Variants in IRF2 observed in about 807,000 individuals in gnomAD.
IRF2 encodes the protein interferon regulatory factor 2.
IRF2 carries 15 observed loss-of-function variants against 40.6 expected under a neutral mutation model. The ratio of observed to expected loss-of-function variants is 0.37; its 90% confidence interval spans 0.25 to 0.57. IRF2 has a LOEUF of 0.57. Ranked by LOEUF, IRF2 falls within the 20% of genes least tolerant of loss-of-function variation. The pLI is 0.77. For synonymous variants in IRF2, 151 were observed against 165.5 expected (o/e 0.91, Z 0.67); for missense variants, 317 against 455.7 (o/e 0.70, Z 2.77).
chr4:184,408,588 G>A lies in IRF2; in HGVS notation c.412-313C>T, dbSNP rs1016980089. Among the ~76,000 whole-genome samples the A allele has an allele frequency of 3.3e-5, 5 of 152,214 alleles. No homozygotes were observed. The highest frequency in any genetic ancestry group is 7.3e-5 in the Non-Finnish European group (5 of 68,036). Reference sequence around the variant, plus strand: ...TACGCAGAGCTGCATCATTGTCTCTGTAAAATGCTGCACTGCGTGGATTCT... The same window carrying A: ...TACGCAGAGCTGCATCATTGTCTCTATAAAATGCTGCACTGCGTGGATTCT... On this transcript the variant is annotated intron_variant, in intron 5 of 8. Coordinates refer to ENST00000393593, the MANE Select transcript of IRF2 (RefSeq NM_002199.4). The surrounding 1 kb of genome is among the most constrained non-coding windows in gnomAD (Gnocchi z 4.9).
rs904963546 is a variant in IRF2 at position 184,474,402 on chromosome 4, T to C, written c.-30A>G. 3 of 152,250 alleles carry C rather than the reference T, an allele frequency of 2.0e-5. No individual in the cohort carries two copies. The highest frequency in any genetic ancestry group is 6.5e-5 in the Admixed American group (1 of 15,282). 9.4% of individuals were successfully genotyped at this position (152,250 alleles called of 1,614,324 possible). ...ACCTCTCAGTGTGCTTTTTTCACGC[T>C]ACCAATACAATTCCGCAAGGTATAA... On this transcript the variant is annotated 5_prime_UTR_variant, in exon 1 of 9. Coordinates refer to ENST00000393593, the MANE Select transcript of IRF2 (RefSeq NM_002199.4). This position sits in a 1 kb window ranked among gnomAD's most constrained non-coding sequence, Gnocchi z 5.6.
chr4:184,436,353 G>A (rs1249642200), intron 1 of IRF2, among the ~76,000 whole-genome samples: 1 of 152,208 alleles, frequency 6.6e-6, no homozygotes, highest in African/African-American at 2.4e-5. Context: ...ACAAGGAACT[G>A]TGCTGAGTGC....
rs1368419913 is a variant in IRF2 at position 184,408,538 on chromosome 4, C to T, written c.412-263G>A. On this transcript the variant is annotated intron_variant, in intron 5 of 8. Coordinates refer to ENST00000393593, the MANE Select transcript of IRF2 (RefSeq NM_002199.4). This position sits in a 1 kb window ranked among gnomAD's most constrained non-coding sequence, Gnocchi z 4.9. ...CTGGCTTGCCTTTAGGAAATGCTTC[C>T]ACCTGCAGACAATAGCTTTGGGGCT... 6.6e-6 allele frequency among the ~76,000 whole-genome samples: 1 copy of T among 152,176 alleles called. No homozygotes were observed. The highest frequency in any genetic ancestry group is 1.5e-5 in the Non-Finnish European group (1 of 68,038).
chr4:184,434,667 T>C (rs371584656), intron 1 of IRF2, among the ~76,000 whole-genome samples: 1 of 152,218 alleles, frequency 6.6e-6, no homozygotes. Context: ...TGGTGGGTAC[T>C]GAGAATATCA....
chr4:184,468,921 CA>C (rs985181402), intron 1 of IRF2, among the ~76,000 whole-genome samples: 2 of 152,114 alleles, frequency 1.3e-5, no homozygotes, highest in Non-Finnish European at 2.9e-5. Context: ...TATCCAGCCA[CA>C]TTTTACAGTG....
At chr4:184,450,550 T>C (rs998255485) in intron 1 of IRF2, among the ~76,000 whole-genome samples, 3 of 152,228 alleles carry the variant, frequency 2.0e-5, no homozygotes, top group Admixed American at 6.5e-5. Flanking sequence ...AATATTTTTA[T>C]AAAATTTGAA....
chr4:184,456,549 C>A (rs1437265073), intron 1 of IRF2, among the ~76,000 whole-genome samples: 1 of 152,230 alleles, frequency 6.6e-6, no homozygotes, highest in Non-Finnish European at 1.5e-5. Context: ...CGCACCTCAG[C>A]GAGGGTCCCT....
At chr4:184,426,187 T>C (rs1579843971) in intron 2 of IRF2, among the ~76,000 whole-genome samples, 1 of 152,274 alleles carries the variant, frequency 6.6e-6, no homozygotes, top group South Asian at 2.1e-4. Flanking sequence ...AGCTAATTTT[T>C]GTGTTTTTAG....
At chr4:184,422,640 A>G (rs920975405) in intron 2 of IRF2, among the ~76,000 whole-genome samples, 2 of 152,262 alleles carry the variant, frequency 1.3e-5, no homozygotes, top group Admixed American at 6.5e-5. Flanking sequence ...ATGTGGACGA[A>G]CCTTGAAAAC....
chr4:184,447,081 A>C (rs793786), intron 1 of IRF2, among the ~76,000 whole-genome samples: 70,437 of 152,092 alleles, frequency 0.46, 17,333 homozygotes, highest in East Asian at 0.62. Flanking sequence ...CAGGCAGTGC[A>C]CAAATCTTGG....
At chr4:184,468,535 A>G (rs555609983) in intron 1 of IRF2, among the ~76,000 whole-genome samples, 1 of 152,288 alleles carries the variant, frequency 6.6e-6, no homozygotes, top group Admixed American at 6.5e-5. Context: ...ACTTAACATG[A>G]GTCCCATTTC....
chr4:184,418,834 C>T, intron 3 of IRF2, 126 bp from the exon 4 acceptor site: 1 of 744,484 alleles, frequency 1.3e-6, no homozygotes, highest in African/African-American at 1.8e-5. Context: ...GCTATACCTC[C>T]AGTGACCAAT....
At chr4:184,431,471 G>A (rs1240929711) in intron 1 of IRF2, among the ~76,000 whole-genome samples, 1 of 152,196 alleles carries the variant, frequency 6.6e-6, no homozygotes, top group Admixed American at 6.5e-5. Context: ...ACAGAGGAGT[G>A]CACTGGTGAC....
rs896706153 is a variant in IRF2 at position 184,432,777 on chromosome 4, C to T, written c.-6-3707G>A. On this transcript the variant is annotated intron_variant, in intron 1 of 8. Coordinates refer to ENST00000393593, the MANE Select transcript of IRF2 (RefSeq NM_002199.4). Reference sequence around the variant, plus strand: ...GGGCACGTGAAGCCAAAGGCAGAGACTGCAGTGAGGCTGCTGCAGCTAACC... The same window carrying T: ...GGGCACGTGAAGCCAAAGGCAGAGATTGCAGTGAGGCTGCTGCAGCTAACC... Among the ~76,000 whole-genome samples the T allele has an allele frequency of 2.0e-5, 3 of 152,342 alleles. 1 individual carries two copies. The South Asian group carries it at 6.2e-4, about 32-fold the overall frequency.
intron 2 of IRF2, among the ~76,000 whole-genome samples, chr4:184,424,511 A>G (rs1017097921): frequency 2.0e-5 from 3 of 151,968 alleles, no homozygotes; most frequent in African/African-American, 7.3e-5. Context: ...CATGAGGGGT[A>G]GGATTGTGGC....
At chr4:184,450,825 C>T (rs1579102153) in intron 1 of IRF2, among the ~76,000 whole-genome samples, 1 of 152,202 alleles carries the variant, frequency 6.6e-6, no homozygotes. Context: ...CCAAGGATCA[C>T]GTTAAATGGC....
chr4:184,391,229 T>A (rs1736251090), intron 7 of IRF2, among the ~76,000 whole-genome samples: 1 of 152,246 alleles, frequency 6.6e-6, no homozygotes, highest in Admixed American at 6.5e-5. Context: ...ATCTGCCATG[T>A]GGGTTACTGT....
Position 184,472,855 on chromosome 4 carries a change from G to A in IRF2, c.-7+1524C>T, listed in dbSNP as rs576980392. On this transcript the variant is annotated intron_variant, in intron 1 of 8. Coordinates refer to ENST00000393593, the MANE Select transcript of IRF2 (RefSeq NM_002199.4). ...GGCGTTTCACCTGGTGCCCGACCAC[G>A]GCTCTGGCGCCCTGCCCAGGCTGCC... 7.2e-5 allele frequency among the ~76,000 whole-genome samples: 11 copies of A among 152,340 alleles called. No homozygotes were observed. In the South Asian group the frequency reaches 2.3e-3, roughly 32 times the overall value.
chr4:184,418,844 T>A (rs1322471739), intron 3 of IRF2, 136 bp from the exon 4 acceptor site: 4 of 711,314 alleles, frequency 5.6e-6, no homozygotes, highest in African/African-American at 5.4e-5. Flanking sequence ...CAGTGACCAA[T>A]CGTCCTGGTG....
Sources: gnomAD v4.1 joint callset for allele counts (sites outside exome capture counted in the v4.1 genomes callset) on GRCh38, gnomAD v4.1.1 for gene constraint, Gnocchi (gnomAD v3.1) non-coding constraint, MANE v1.5 for transcripts, NCBI Gene and HGNC (gene_info 2026-07-23, HGNC 2026-07-21) for gene names.